Variants in RNF170 observed in about 807,000 individuals in gnomAD.
The protein encoded by RNF170 is ring finger protein 170, also known as E3 ubiquitin-protein ligase RNF170.
In RNF170, 12 loss-of-function variants were observed where a neutral mutation model predicts 32.7. The observed-to-expected ratio is 0.37, with a 90% confidence interval of 0.24 to 0.60. The LOEUF is 0.60. RNF170 is among the 20% of genes least tolerant of loss of function. The pLI is 0.72. For missense variants in RNF170, 212 were observed against 311.2 expected (o/e 0.68, Z 2.40); for synonymous variants, 91 against 103.6 (o/e 0.88, Z 0.74).
chr8:42,851,344 C>T (rs915766710), downstream of RNF170, among the ~76,000 whole-genome samples: 9 of 152,040 alleles, frequency 5.9e-5, no homozygotes, highest in Non-Finnish European at 1.3e-4. Flanking sequence ...GGCGGATTAC[C>T]TGAGATCAGG....
intron 5 of RNF170, among the ~76,000 whole-genome samples, chr8:42,862,116 T>C (rs1045715785): frequency 6.6e-6 from 1 of 152,182 alleles, no homozygotes; most frequent in African/African-American, 2.4e-5. Flanking sequence ...GGTAAATTCC[T>C]TAGTTCTCTA....
chr8:42,877,267 G>A (rs1362219494), intron 2 of RNF170, among the ~76,000 whole-genome samples: 3 of 152,044 alleles, frequency 2.0e-5, no homozygotes, highest in Non-Finnish European at 4.4e-5. Flanking sequence ...TTTCCAGGCT[G>A]GGGTGCAGTG....
chr8:42,877,396 T>C (rs1586529328), intron 2 of RNF170, among the ~76,000 whole-genome samples: 1 of 151,984 alleles, frequency 6.6e-6, no homozygotes, highest in African/African-American at 2.4e-5. Context: ...GCCAGGCTGG[T>C]CTTGAACTCC....
At chr8:42,895,487 T>A (rs1474298196) in intron 1 of RNF170, among the ~76,000 whole-genome samples, 1 of 152,082 alleles carries the variant, frequency 6.6e-6, no homozygotes, top group African/African-American at 2.4e-5. Context: ...TGGCATTGGG[T>A]GGTAGTTATG....
At chr8:42,884,502 T>A (rs1487623722) in intron 2 of RNF170, among the ~76,000 whole-genome samples, 1 of 151,938 alleles carries the variant, frequency 6.6e-6, no homozygotes, top group Admixed American at 6.6e-5. Context: ...AAGCTAGACA[T>A]CCCTCCTTCC....
At chr8:42,871,043 T>C (rs1417341562) in intron 3 of RNF170, among the ~76,000 whole-genome samples, 1 of 151,708 alleles carries the variant, frequency 6.6e-6, no homozygotes, top group Non-Finnish European at 1.5e-5. Context: ...ACCCTGTCTC[T>C]ACCACAAAAT....
chr8:42,860,885 T>C (rs1244317659), intron 6 of RNF170, among the ~76,000 whole-genome samples: 1 of 152,028 alleles, frequency 6.6e-6, no homozygotes, highest in East Asian at 1.9e-4. Context: ...ACTCAGCTAA[T>C]TTTTGTATTT....
chr8:42,854,434 G>A lies in RNF170; in HGVS notation c.*1725C>T, dbSNP rs1431322641. 5 of 1,286,998 alleles carry A rather than the reference G, an allele frequency of 3.9e-6. No individual in the cohort carries two copies. In the African/African-American group the frequency reaches 7.6e-5, roughly 20 times the overall value. 79.7% of individuals were successfully genotyped at this position (1,286,998 alleles called of 1,614,324 possible). ...GGATTGTATCTATGAAAGGGAAGTT[G>A]GTGTCCTGCGTTCCTCACAAAATTA... On this transcript the variant is annotated 3_prime_UTR_variant, in exon 7 of 7. Transcript: ENST00000527424.
chr8:42,896,020 G>T (rs1316738828), intron 1 of RNF170, among the ~76,000 whole-genome samples: 3 of 152,084 alleles, frequency 2.0e-5, no homozygotes, highest in African/African-American at 7.2e-5. Context: ...AAAATTTATC[G>T]GCAGCCCAGC....
At chr8:42,869,953 AGGTCTT>A (rs1464606872) in intron 4 of RNF170, 45 bp downstream of exon 4, 1 of 1,279,368 alleles carries the variant, frequency 7.8e-7, no homozygotes. Flanking sequence ...GTACACATAG[AGGTCTT>A]GGTCTACACA....
intron 2 of RNF170, among the ~76,000 whole-genome samples, chr8:42,875,184 A>G (rs1804831014): frequency 6.6e-6 from 1 of 151,906 alleles, no homozygotes; most frequent in Non-Finnish European, 1.5e-5. Context: ...AAAAAAAAAA[A>G]AAGAAAGATG....
chr8:42,852,004 G>A (rs1196035273), downstream of RNF170, among the ~76,000 whole-genome samples: 5 of 152,208 alleles, frequency 3.3e-5, no homozygotes, highest in Non-Finnish European at 5.9e-5. Context: ...TAAAAAGAAG[G>A]GAGCTATTTC....
intron 4 of RNF170, among the ~76,000 whole-genome samples, chr8:42,868,505 C>T (rs1279903326): frequency 6.6e-6 from 1 of 152,094 alleles, no homozygotes; most frequent in African/African-American, 2.4e-5. Context: ...TTGTATGAAC[C>T]ACTAATCATG....
intron 2 of RNF170, among the ~76,000 whole-genome samples, chr8:42,878,040 GCAAT>G (rs59449693): frequency 0.15 from 23,138 of 151,438 alleles, 1,996 homozygotes; most frequent in African/African-American, 0.23. Context: ...GGTTATACTT[GCAAT>G]CAATCAATCA....
intron 4 of RNF170, among the ~76,000 whole-genome samples, chr8:42,868,366 T>C (rs974107756): frequency 3.9e-5 from 6 of 152,228 alleles, no homozygotes; most frequent in South Asian, 4.1e-4. Flanking sequence ...AATTAGTCCC[T>C]ATATGAAAAT....
intron 2 of RNF170, chr8:42,881,287 C>T (rs756875499): frequency 6.6e-6 from 1 of 152,150 alleles, no homozygotes; most frequent in Non-Finnish European, 1.5e-5. Flanking sequence ...GAGGCTGAGG[C>T]AGGAGAATTG....
chr8:42,887,183 T>A (rs922042643), intron 2 of RNF170, among the ~76,000 whole-genome samples: 3 of 152,092 alleles, frequency 2.0e-5, no homozygotes, highest in Non-Finnish European at 2.9e-5. Context: ...TCCCAGCTAT[T>A]TGGGAGGCTG....
At chr8:42,897,226 C>T (rs1807012655), upstream of RNF170, 3 of 1,208,936 alleles carry the variant, frequency 2.5e-6, no homozygotes, top group South Asian at 4.2e-5. Context: ...AGACCCCCTC[C>T]CCCCGCCACC....
chr8:42,863,980 A>AGTGTGTGTGT lies in RNF170; in HGVS notation c.396+1426_396+1435dup, dbSNP rs71231874. On this transcript the variant is annotated intron_variant, in intron 5 of 6. Coordinates refer to ENST00000527424, the MANE Select transcript of RNF170 (RefSeq NM_030954.4). Reference sequence around the variant, plus strand: ...AAGGCTGAAGGAGAGAGAGAGAGAGAGTGTGTGTGTGTGTGTGTGTGTGTG... The same window carrying AGTGTGTGTGT: ...AAGGCTGAAGGAGAGAGAGAGAGAGAGTGTGTGTGTGTGTGTGTGTGTGTGTGTGTGTGTG... Among the ~76,000 whole-genome samples, 232 of 139,576 alleles carry AGTGTGTGTGT rather than the reference A, an allele frequency of 1.7e-3. 1 individual carries two copies. The highest frequency in any genetic ancestry group is 3.6e-3 in the Middle Eastern group (1 of 274). The allele number at this position is 139,576 out of a possible 152,430, so 91.6% of individuals were successfully genotyped here.
Sources: gnomAD v4.1 joint callset for allele counts (sites outside exome capture counted in the v4.1 genomes callset) on GRCh38, gnomAD v4.1.1 for gene constraint, MANE v1.5 for transcripts, NCBI Gene and HGNC (gene_info 2026-07-23, HGNC 2026-07-21) for gene names.